The following LAMB1 variants were observed in gnomAD, a reference collection of about 807,000 sequenced individuals.
LAMB1 encodes laminin subunit beta 1, also known as laminin subunit beta-1.
Under a neutral mutation model 222.3 loss-of-function variants are expected in LAMB1, and 121 were observed. The ratio of observed to expected loss-of-function variants is 0.54; its 90% confidence interval spans 0.47 to 0.63. The LOEUF (loss-of-function observed/expected upper bound fraction) is 0.63. LAMB1 is among the 30% of genes least tolerant of loss of function. LAMB1 has a pLI of 0.00. For synonymous variants in LAMB1, 794 were observed against 807.2 expected, an observed-to-expected ratio of 0.98 and a Z score of 0.28; for missense variants, 2,172 against 2,240.8, an observed-to-expected ratio of 0.97 and a Z score of 0.62.
At chr7:107,979,438 CTGAG>C (rs2033930714) in intron 8 of LAMB1, among the ~76,000 whole-genome samples, 2 of 152,184 alleles carry the variant, frequency 1.3e-5, no homozygotes, top group South Asian at 4.1e-4. Context: ...AACCCTGGGG[CTGAG>C]TGAGGAGAGG....
rs1233884636 is a variant in LAMB1, at chr7:107,975,815, C to T, written c.1063G>A (p.Gly355Arg). ...TCACACACGCCTCCGCTGACGTTCCCCGTGGCCAGGTAAACAGCCATGTCA... is the reference window on the plus strand; with the variant it reads ...TCACACACGCCTCCGCTGACGTTCCTCGTGGCCAGGTAAACAGCCATGTCA... The part of the protein sequence containing the change: ...HFDMAVYLAT[G>R]NVSGGVCDDC... The change falls in exon 10 of 34, where the codon GGG (glycine) becomes AGG (arginine). Residue 355 changes from glycine to arginine, a missense_variant. Coordinates refer to ENST00000222399, the MANE Select transcript of LAMB1 (RefSeq NM_002291.3). 1.2e-6 allele frequency: 2 copies of T among 1,613,916 alleles called. No individual in the cohort carries two copies. The highest frequency in any genetic ancestry group is 2.2e-5 in the East Asian group (1 of 44,882).
chr7:108,000,520 T>C lies in LAMB1; in HGVS notation c.213+1038A>G, dbSNP rs576440252. Among the ~76,000 whole-genome samples the C allele has an allele frequency of 2.6e-4, 40 of 152,338 alleles. 1 individual carries two copies. The highest frequency in any genetic ancestry group is 2.3e-3 in the South Asian group (11 of 4,828). ...GTGAAACTGATACTTTCTGCTTTTG[T>C]TAGAGGCCAGAAATATCAGCCTTTA... On this transcript the variant is annotated intron_variant, in intron 3 of 33. Coordinates refer to ENST00000222399, the MANE Select transcript of LAMB1 (RefSeq NM_002291.3).
At position 107,980,834 on chromosome 7, in the gene LAMB1, GAA is replaced by G. The variant is rs772176972; in HGVS notation, c.677-25_677-24del. ...AATCTAGGAAGGTCATCAAGAAGATGAAAAGTCTGATCAGACAAGCAAGAAGT... is the reference window on the plus strand; with the variant it reads ...AATCTAGGAAGGTCATCAAGAAGATGAAGTCTGATCAGACAAGCAAGAAGT... On this transcript the variant is annotated intron_variant, in intron 7 of 33. Transcript: ENST00000222399. 13 of 1,459,478 alleles carry G rather than the reference GAA, an allele frequency of 8.9e-6. No individual in the cohort carries two copies. The Admixed American group carries it at 1.2e-4, about 13-fold the overall frequency. 90.4% of individuals were successfully genotyped at this position (1,459,478 alleles called of 1,614,324 possible).
chr7:107,978,961 C>G (rs539758061), intron 8 of LAMB1, among the ~76,000 whole-genome samples: 1 of 152,296 alleles, frequency 6.6e-6, no homozygotes, highest in East Asian at 1.9e-4. Context: ...AATTCAGGAA[C>G]AGGACAGACA....
At position 108,003,111 on chromosome 7, in the gene LAMB1, C is replaced by G. The variant is rs1241606862; in HGVS notation, c.-87G>C. ...CGTGCAGCCACTTTGTTCTCCTCAC[C>G]CGGCGACGCGAGCTCTCGCCCTGCT... On this transcript the variant is annotated splice_region_variant and 5_prime_UTR_variant, in exon 1 of 34. Transcript: ENST00000222399. 1 of 941,624 alleles carries G rather than the reference C, an allele frequency of 1.1e-6. No homozygotes were observed. Among genetic ancestry groups the G allele is most frequent in the Non-Finnish European group, 1.5e-6 (1 of 665,320 alleles). The allele number at this position is 941,624 out of a possible 1,614,324, so 58.3% of individuals were successfully genotyped here.
chr7:107,980,256 C>T (rs944074857), intron 8 of LAMB1, among the ~76,000 whole-genome samples: 1 of 151,966 alleles, frequency 6.6e-6, no homozygotes. Context: ...TCAATTTATG[C>T]CTTCTAGCAT....
Position 107,998,500 on chromosome 7 carries a change from C to CA in LAMB1, c.214-9dup, listed in dbSNP as rs1468951636. On this transcript the variant is annotated splice_polypyrimidine_tract_variant and intron_variant, in intron 3 of 33. Transcript: ENST00000222399. The stretch of plus-strand genomic sequence containing the variant: ...GAAGCATTTTTTGTCCTCCTACAAA[C>CA]AAAGTTGAGTTCATCAGTCTAGAAA... The CA allele has an allele frequency of 2.5e-6, 4 of 1,612,320 alleles. No individual in the cohort carries two copies. In the African/African-American group the frequency reaches 5.3e-5, roughly 22 times the overall value.
rs71134302 is a variant in LAMB1 at position 107,991,905 on chromosome 7, CAAAAAAAAAAAAA to C, written c.423+2969_423+2981del. Among the ~76,000 whole-genome samples, 4 of 91,992 alleles carry C rather than the reference CAAAAAAAAAAAAA, an allele frequency of 4.3e-5. No individual in the cohort carries two copies. The Admixed American group carries it at 5.0e-4, about 12-fold the overall frequency. The allele number at this position is 91,992 out of a possible 152,430, so 60.4% of individuals were successfully genotyped here. A position where few individuals can be genotyped will look rare whatever the true frequency, so the allele number is the denominator to read the frequency against. ...CCTGGGAGAGAGCGAGACTTCGTCT[CAAAAAAAAAAAAA>C]AAAAAAAAGAATTTCTAAGATTCAT... On this transcript the variant is annotated intron_variant, in intron 5 of 33. Coordinates refer to ENST00000222399, the MANE Select transcript of LAMB1 (RefSeq NM_002291.3).
intron 3 of LAMB1, among the ~76,000 whole-genome samples, chr7:108,001,351 C>T (rs1443643661): frequency 2.6e-5 from 4 of 152,252 alleles, no homozygotes; most frequent in South Asian, 2.1e-4. Context: ...CCATACTCAC[C>T]GCGCCGGCAG....
chr7:107,927,347 C>G (rs1363437728), intron 31 of LAMB1, among the ~76,000 whole-genome samples: 3 of 152,168 alleles, frequency 2.0e-5, no homozygotes, highest in Non-Finnish European at 2.9e-5. Context: ...CTTCCTGCCC[C>G]CTAGGGCCCC....
chr7:108,002,435 C>G (rs1210624737), intron 2 of LAMB1: 1 of 1,301,380 alleles, frequency 7.7e-7, no homozygotes, highest in Admixed American at 2.7e-5. Flanking sequence ...CCACATGGCC[C>G]CCATCTGTTC....
intron 3 of LAMB1, 96 bp downstream of exon 3, chr7:108,001,462 G>T: frequency 7.4e-7 from 1 of 1,344,720 alleles, no homozygotes; most frequent in Non-Finnish European, 1.0e-6. Context: ...TTCCTATCTG[G>T]ATTGCTGGAA....
chr7:107,951,394 C>G, intron 23 of LAMB1, 72 bp from the exon 24 acceptor site: 1 of 1,368,078 alleles, frequency 7.3e-7, no homozygotes, highest in South Asian at 1.2e-5. Context: ...TTTTTTCTAG[C>G]TGCCACTTAG....
chr7:107,932,217 T>C lies in LAMB1; in HGVS notation c.4349A>G (p.Asp1450Gly), dbSNP rs770872137. 1 of 1,614,246 alleles carries C rather than the reference T, an allele frequency of 6.2e-7. No individual in the cohort carries two copies. Among genetic ancestry groups the C allele is most frequent in the Admixed American group, 1.7e-5 (1 of 60,032 alleles). ...AWQKAMDLDQ[D>G]VLSALAEVEQ... ...CACTTCAGCCAGGGCACTCAGGACA[T>C]CTTGGTCCAAGTCCATGGCTTTCTG... Residue 1450 changes from aspartate (D) to glycine (G), a missense_variant, in exon 28 of 34, where the codon GAT (aspartate) becomes GGT (glycine). Physicochemically the swap from Asp to Gly is moderately conservative, Grantham distance 94 (BLOSUM62 -1). Transcript: ENST00000222399.
intron 7 of LAMB1, among the ~76,000 whole-genome samples, chr7:107,983,221 A>G (rs574673951): frequency 9.2e-5 from 14 of 152,300 alleles, no homozygotes; most frequent in African/African-American, 3.1e-4. Context: ...TTTTCTGGCA[A>G]TATTCCCTGG....
intron 5 of LAMB1, among the ~76,000 whole-genome samples, chr7:107,992,683 G>A (rs2034207770): frequency 6.6e-6 from 1 of 152,184 alleles, no homozygotes; most frequent in African/African-American, 2.4e-5. Flanking sequence ...ATCACTTGCG[G>A]TTAGGAGTTC....
In LAMB1 at chr7:107,976,854, CCT is replaced by C. The variant is rs1163127859; in HGVS notation, c.1001-979_1001-978del. ...TTTCCTCTCTCTCCTTCCTTCCTTT[CCT>C]CTCCTTCCTTCCTTCCTTTCCTCTT... On this transcript the variant is annotated intron_variant, in intron 9 of 33. Coordinates refer to ENST00000222399, the MANE Select transcript of LAMB1 (RefSeq NM_002291.3). Among the ~76,000 whole-genome samples, 7 of 125,282 alleles carry C rather than the reference CCT, an allele frequency of 5.6e-5. No individual in the cohort carries two copies. In the East Asian group the frequency reaches 1.5e-3, roughly 27 times the overall value. The allele number at this position is 125,282 out of a possible 152,430, so 82.2% of individuals were successfully genotyped here. A position where few individuals can be genotyped will look rare whatever the true frequency, so the allele number is the denominator to read the frequency against.
chr7:107,929,340 G>T, intron 30 of LAMB1, 72 bp downstream of exon 30: 3 of 1,508,826 alleles, frequency 2.0e-6, no homozygotes, highest in South Asian at 2.3e-5. Context: ...AAGTTTCATT[G>T]GTTAAAGAGA....
At chr7:107,993,308 A>G (rs2034220674) in intron 5 of LAMB1, among the ~76,000 whole-genome samples, 2 of 151,854 alleles carry the variant, frequency 1.3e-5, no homozygotes, top group African/African-American at 4.8e-5. Context: ...TAATTTTTGT[A>G]TTTTCAGTAG....
Sources: gnomAD v4.1 joint callset for allele counts (sites outside exome capture counted in the v4.1 genomes callset) on GRCh38, gnomAD v4.1.1 for gene constraint, MANE v1.5 for transcripts, NCBI Gene and HGNC (gene_info 2026-07-23, HGNC 2026-07-21) for gene names.